The following NKD2 variants were observed in gnomAD, a reference collection of about 807,000 sequenced individuals.
NKD2 encodes protein naked cuticle homolog 2.
A neutral mutation model predicts 34.8 loss-of-function variants in NKD2; 43 were observed. The ratio of observed to expected loss-of-function variants is 1.24; its 90% CI spans 0.97 to 1.60. The LOEUF (loss-of-function observed/expected upper bound fraction) is 1.60. Ranked by LOEUF, NKD2 falls within the 40% of genes most tolerant of loss-of-function variation. NKD2 has a pLI of 0.00. For missense variants in NKD2, 675 were observed against 627.1 expected (o/e 1.08, Z -0.82); for synonymous variants, 278 against 265.1 (o/e 1.05, Z -0.47).
rs36196473 is a variant in NKD2 at position 1,026,213 on chromosome 5, A to G, written c.142-5939A>G. 1.6e-3 allele frequency among the ~76,000 whole-genome samples: 25 copies of G among 15,964 alleles called. 1 individual carries two copies. Among genetic ancestry groups the G allele is most frequent in the Admixed American group, 6.0e-3 (6 of 998 alleles). The allele number at this position is 15,964 out of a possible 152,430, so 10.5% of individuals were successfully genotyped here. Reference sequence around the variant, plus strand: ...CCACCCTCTGTGGGCGTCTCAGCCCATTGTCCCTGCTCTTCCCACCTGCTA... The same window carrying G: ...CCACCCTCTGTGGGCGTCTCAGCCCGTTGTCCCTGCTCTTCCCACCTGCTA... On this transcript the variant is annotated intron_variant, in intron 3 of 9. Coordinates refer to ENST00000296849, the MANE Select transcript of NKD2 (RefSeq NM_033120.4).
At chr5:1,020,472 A>G (rs991328580) in intron 3 of NKD2, among the ~76,000 whole-genome samples, 1 of 152,056 alleles carries the variant, frequency 6.6e-6, no homozygotes, top group Non-Finnish European at 1.5e-5. Context: ...CTAGCTGACG[A>G]TGGAGACTCT....
At chr5:1,031,646 C>T (rs552602776) in intron 3 of NKD2, among the ~76,000 whole-genome samples, 9 of 152,292 alleles carry the variant, frequency 5.9e-5, no homozygotes, top group South Asian at 2.1e-4. Flanking sequence ...GCTGAAACAC[C>T]GCTGGGATGT....
intron 3 of NKD2, among the ~76,000 whole-genome samples, chr5:1,021,315 C>T (rs1331656323): frequency 7.4e-6 from 1 of 134,370 alleles, no homozygotes; most frequent in African/African-American, 2.8e-5. Context: ...GTCCCCCCGG[C>T]CCCCCACCTC....
At position 1,009,649 on chromosome 5, in the gene NKD2, G is replaced by A. The variant is rs6863797; in HGVS notation, c.141+89G>A. 2.1e-3 allele frequency: 2,360 copies of A among 1,122,268 alleles called. 37 individuals are homozygous for A. In the African/African-American group the frequency reaches 0.036, roughly 17 times the overall value. The allele number at this position is 1,122,268 out of a possible 1,614,324, so 69.5% of individuals were successfully genotyped here. ...AGAGCTGTTCCTGGTGCCCGCCCGC[G>A]GACAGGCGAGACGTGGGCCGCCATG... On this transcript the variant is annotated intron_variant, in intron 3 of 9. Coordinates refer to ENST00000296849, the MANE Select transcript of NKD2 (RefSeq NM_033120.4). The surrounding 1 kb of genome is among the most constrained non-coding windows in gnomAD (Gnocchi z 6.9).
chr5:1,010,284 C>T (rs1755700722), intron 3 of NKD2, among the ~76,000 whole-genome samples: 1 of 152,196 alleles, frequency 6.6e-6, no homozygotes, highest in Non-Finnish European at 1.5e-5. Context: ...ATTTGATGGT[C>T]ATCAGTGTCA....
intron 3 of NKD2, among the ~76,000 whole-genome samples, chr5:1,029,014 A>G (rs1243599782): frequency 3.3e-5 from 5 of 152,196 alleles, no homozygotes; most frequent in Admixed American, 6.5e-5. Context: ...GCCCGGGGGC[A>G]GGTTTTATAA....
At chr5:1,022,101 C>T (rs1286432625) in intron 3 of NKD2, among the ~76,000 whole-genome samples, 4 of 151,856 alleles carry the variant, frequency 2.6e-5, no homozygotes, top group African/African-American at 9.7e-5. Context: ...AGAGCCTGCA[C>T]CCTTGACCTT....
At chr5:1,010,977 G>A (rs989125366) in intron 3 of NKD2, among the ~76,000 whole-genome samples, 24 of 152,354 alleles carry the variant, frequency 1.6e-4, no homozygotes, top group African/African-American at 5.3e-4. Flanking sequence ...AGGCCAGTGC[G>A]CTCTGGAAAA....
At position 1,030,019 on chromosome 5, in the gene NKD2, G is replaced by GT. The variant is rs1554003991; in HGVS notation, c.142-2133_142-2132insT. Among the ~76,000 whole-genome samples, 6 of 150,598 alleles carry GT rather than the reference G, an allele frequency of 4.0e-5. 1 individual carries two copies. The highest frequency in any genetic ancestry group is 9.8e-5 in the African/African-American group (4 of 40,664). On this transcript the variant is annotated intron_variant, in intron 3 of 9. Coordinates refer to ENST00000296849, the MANE Select transcript of NKD2 (RefSeq NM_033120.4). ...GCCTGAGGGGGGATTGTGGTGCGGG[G>GT]GGGGGGGTACTGAGAACCCTGGGGG... is the stretch of plus-strand genomic sequence containing the variant.
chr5:1,037,865 G>A lies in NKD2; in HGVS notation c.848G>A (p.Arg283Gln), dbSNP rs201232442. The A allele has an allele frequency of 1.4e-5, 23 of 1,601,374 alleles. No individual in the cohort carries two copies. Among genetic ancestry groups the A allele is most frequent in the African/African-American group, 5.3e-5 (4 of 74,844 alleles). Residue 283 changes from arginine (R) to glutamine (Q), a missense_variant, in exon 10 of 10, where the codon CGG becomes CAG. By Grantham distance (43) the Arg-to-Gln change is conservative. Transcript: ENST00000296849. The part of the protein sequence containing the change: ...PQGRASHLQA[R>Q]SRSQEPDTHA... Reference sequence around the variant, plus strand: ...GGCAGGGCCTCGCACCTCCAGGCCCGGTCCCGCTCCCAGGAGCCAGATACA... The same window carrying A: ...GGCAGGGCCTCGCACCTCCAGGCCCAGTCCCGCTCCCAGGAGCCAGATACA...
intron 3 of NKD2, among the ~76,000 whole-genome samples, chr5:1,013,866 C>G (rs1233423087): frequency 6.6e-6 from 1 of 152,166 alleles, no homozygotes; most frequent in Non-Finnish European, 1.5e-5. Flanking sequence ...AGTGTCGGCC[C>G]CTGTGTCTGT....
chr5:1,028,877 C>T (rs375888108), intron 3 of NKD2, among the ~76,000 whole-genome samples: 33 of 152,110 alleles, frequency 2.2e-4, no homozygotes, highest in African/African-American at 6.5e-4. Context: ...GAGGGGCGCC[C>T]GCCCTGGGAA....
At chr5:1,014,921 G>T (rs1008269522) in intron 3 of NKD2, among the ~76,000 whole-genome samples, 2 of 152,224 alleles carry the variant, frequency 1.3e-5, no homozygotes, top group East Asian at 3.8e-4. Flanking sequence ...GAGGCGGCTT[G>T]CATGGTGGCT....
chr5:1,032,427 C>T (rs1427654592), intron 4 of NKD2, among the ~76,000 whole-genome samples: 5 of 152,258 alleles, frequency 3.3e-5, no homozygotes, highest in Admixed American at 6.5e-5. Context: ...ACCAAAAAGG[C>T]CTGTCCCATG....
At chr5:1,010,611 C>T (rs1755716410) in intron 3 of NKD2, among the ~76,000 whole-genome samples, 1 of 152,234 alleles carries the variant, frequency 6.6e-6, no homozygotes, top group East Asian at 1.9e-4. Flanking sequence ...CTGTAAGGTA[C>T]AGTAAGTTGG....
intron 5 of NKD2, among the ~76,000 whole-genome samples, chr5:1,033,768 G>T (rs1384771061): frequency 1.3e-5 from 2 of 152,218 alleles, no homozygotes; most frequent in African/African-American, 2.4e-5. Context: ...CCCAGCCTTG[G>T]TGCCCTTGGC....
Position 1,038,487 on chromosome 5 carries a change from C to T in NKD2, c.*114C>T, listed in dbSNP as rs114167981. ...GGGGAGCCCAGCCCCCACCCCCCACCTCCGACAGCAAACAGCAACTGACTG... is the reference window on the plus strand; with the variant it reads ...GGGGAGCCCAGCCCCCACCCCCCACTTCCGACAGCAAACAGCAACTGACTG... On this transcript the variant is annotated 3_prime_UTR_variant, in exon 10 of 10. Transcript: ENST00000296849. The surrounding 1 kb of genome is among the most constrained non-coding windows in gnomAD (Gnocchi z 4.5). 573 of 1,531,492 alleles carry T rather than the reference C, an allele frequency of 3.7e-4. No homozygotes were observed. In the African/African-American group the frequency reaches 7.1e-3, roughly 19 times the overall value. 94.9% of individuals were successfully genotyped at this position (1,531,492 alleles called of 1,614,324 possible). A position where few individuals can be genotyped will look rare whatever the true frequency, so the allele number is the denominator to read the frequency against.
intron 3 of NKD2, among the ~76,000 whole-genome samples, chr5:1,022,262 T>C (rs1579256878): frequency 7.8e-6 from 1 of 127,626 alleles, no homozygotes; most frequent in East Asian, 2.4e-4. Flanking sequence ...GCTGTGGGCG[T>C]CTCAGCCCAT....
Position 1,034,283 on chromosome 5 carries a change from A to T in NKD2, c.379A>T (p.Thr127Ser). 1 of 1,612,764 alleles carries T rather than the reference A, an allele frequency of 6.2e-7. No individual in the cohort carries two copies. The highest frequency in any genetic ancestry group is 2.2e-5 in the East Asian group (1 of 44,860). ...SVEEDDRQEW[T>S]FTLYDFDNCG... is the part of the protein sequence containing the mutation. Reference sequence around the variant, plus strand: ...GGAGGAGGACGACCGCCAGGAGTGGACGTTCACGCTCTATGACTTTGACAA... The same window carrying T: ...GGAGGAGGACGACCGCCAGGAGTGGTCGTTCACGCTCTATGACTTTGACAA... The change falls in exon 6 of 10, where the codon ACG (threonine) becomes TCG (serine). Residue 127 changes from threonine (T) to serine (S), a missense_variant. Physicochemically the swap from Thr to Ser is moderately conservative, Grantham distance 58. Coordinates refer to ENST00000296849, the MANE Select transcript of NKD2 (RefSeq NM_033120.4).
Sources: gnomAD v4.1 joint callset for allele counts (sites outside exome capture counted in the v4.1 genomes callset) on GRCh38, gnomAD v4.1.1 for gene constraint, Gnocchi (gnomAD v3.1) non-coding constraint, MANE v1.5 for transcripts, NCBI Gene and HGNC (gene_info 2026-07-23, HGNC 2026-07-21) for gene names.